NID1: variants seen among roughly 807,000 people sequenced by gnomAD.
NID1 encodes the protein nidogen 1.
NID1 carries 76 observed loss-of-function variants against 130.6 expected under a neutral mutation model. The ratio of observed to expected loss-of-function variants is 0.58; its 90% CI spans 0.48 to 0.70. The LOEUF (loss-of-function observed/expected upper bound fraction) is 0.70, where lower values mean the gene tolerates loss of function less well. NID1 is among the 30% of genes least tolerant of loss of function. NID1 has a pLI of 0.00. For missense variants in NID1, 1,517 were observed against 1,664.8 expected, an observed-to-expected ratio of 0.91 and a Z score of 1.54; for synonymous variants, 665 against 675.1, an observed-to-expected ratio of 0.98 and a Z score of 0.23.
chr1:236,024,109 A>C lies in NID1; in HGVS notation c.2089T>G (p.Cys697Gly). The change falls in exon 9 of 20, where the codon TGC becomes GGC. Residue 697 changes from cysteine to glycine, a missense_variant. Physicochemically the swap from Cys to Gly is radical, Grantham distance 159 (BLOSUM62 -3). This residue lies in a region of NID1 where 1,329 missense variants were observed against 1,429.2 expected (regional missense o/e 0.93). Transcript: ENST00000264187. The stretch of plus-strand genomic sequence containing the variant: ...CCGTCTCCTCGGAAGCCGATGGAGC[A>C]CTCGCAGGTGAACTGTGTCCTGGGA... ...PGPRTQFTCE[C>G]SIGFRGDGRT... is the part of the protein sequence containing the mutation. The C allele has an allele frequency of 6.2e-7, 1 of 1,614,224 alleles. No homozygotes were observed. Among genetic ancestry groups the C allele is most frequent in the Non-Finnish European group, 8.5e-7 (1 of 1,180,036 alleles).
At chr1:236,053,899 T>G (rs1659828414) in intron 1 of NID1, among the ~76,000 whole-genome samples, 1 of 152,194 alleles carries the variant, frequency 6.6e-6, no homozygotes. Context: ...TTACTGCCGT[T>G]CTTGCCACTG....
intron 12 of NID1, among the ~76,000 whole-genome samples, chr1:236,009,578 G>C (rs956568444): frequency 1.4e-4 from 21 of 152,148 alleles, no homozygotes; most frequent in Middle Eastern, 3.4e-3. Flanking sequence ...AACACATGTA[G>C]GTATATTTTC....
At chr1:236,061,683 C>G (rs1450918734) in intron 1 of NID1, among the ~76,000 whole-genome samples, 1 of 151,596 alleles carries the variant, frequency 6.6e-6, no homozygotes, top group Non-Finnish European at 1.5e-5. Context: ...CCAGGCTGGT[C>G]TCATTTATGA....
chr1:235,993,307 T>A (rs973714168), intron 13 of NID1, among the ~76,000 whole-genome samples: 1 of 152,150 alleles, frequency 6.6e-6, no homozygotes, highest in Non-Finnish European at 1.5e-5. Context: ...GGCAGAGAGT[T>A]CTTCTGGGAG....
intron 12 of NID1, among the ~76,000 whole-genome samples, chr1:236,009,094 G>A (rs1658333794): frequency 1.3e-5 from 2 of 152,198 alleles, no homozygotes; most frequent in African/African-American, 4.8e-5. Flanking sequence ...GAATGTTTAT[G>A]TCCCTCCCAA....
rs1657711787 is a variant in NID1 at position 235,990,793 on chromosome 1, T to C, written c.2928+93A>G. On this transcript the variant is annotated intron_variant, in intron 14 of 19. Transcript: ENST00000264187. ...GAATGAGCACCCATGGTTCCAGGGG[T>C]TGAGCCTGGGGTTCTGGTCTGATAT... is the stretch of plus-strand genomic sequence containing the variant. The C allele has an allele frequency of 2.5e-5, 36 of 1,421,668 alleles. 1 individual carries two copies. The highest frequency in any genetic ancestry group is 3.5e-5 in the Non-Finnish European group (36 of 1,022,902). 88.1% of individuals were successfully genotyped at this position (1,421,668 alleles called of 1,614,324 possible). A position where few individuals can be genotyped will look rare whatever the true frequency, so the allele number is the denominator to read the frequency against.
rs1171302340 is a variant in NID1, at chr1:236,011,908, C to T, written c.2527+13G>A. Reference sequence around the variant, plus strand: ...GCAATGGGCTACCGACTCCAGATGTCCCACCACCTTACCTCCGGGCACGCA... The same window carrying T: ...GCAATGGGCTACCGACTCCAGATGTTCCACCACCTTACCTCCGGGCACGCA... On this transcript the variant is annotated intron_variant, in intron 12 of 19. Transcript: ENST00000264187. 6.2e-7 allele frequency: 1 copy of T among 1,613,192 alleles called. No individual in the cohort carries two copies. Among genetic ancestry groups the T allele is most frequent in the African/African-American group, 1.3e-5 (1 of 74,920 alleles).
intron 14 of NID1, among the ~76,000 whole-genome samples, chr1:235,990,256 G>A (rs1441440970): frequency 6.6e-6 from 1 of 152,212 alleles, no homozygotes; most frequent in African/African-American, 2.4e-5. Context: ...GGTTGGTCCT[G>A]TGGCAGGCAA....
Position 236,063,534 on chromosome 1 carries a change from A to G in NID1, c.225+1321T>C, listed in dbSNP as rs760327177. ...AAGCATATAAGCATATATAGTACAT[A>G]AGAGCATAAGATGTGTGTTTTTTTA... On this transcript the variant is annotated intron_variant, in intron 1 of 19. Coordinates refer to ENST00000264187, the MANE Select transcript of NID1 (RefSeq NM_002508.3). Among the ~76,000 whole-genome samples, 74 of 152,164 alleles carry G rather than the reference A, an allele frequency of 4.9e-4. 2 individuals are homozygous for G. The highest frequency in any genetic ancestry group is 3.7e-4 in the Non-Finnish European group (25 of 68,020).
chr1:236,060,517 G>T (rs551281373), intron 1 of NID1, among the ~76,000 whole-genome samples: 2 of 152,226 alleles, frequency 1.3e-5, no homozygotes, highest in South Asian at 2.1e-4. Flanking sequence ...GTTCAAGATG[G>T]AATTGCTCAG....
At chr1:235,990,515 G>A (rs1657701577) in intron 14 of NID1, among the ~76,000 whole-genome samples, 4 of 152,232 alleles carry the variant, frequency 2.6e-5, no homozygotes, top group Admixed American at 6.5e-5. Flanking sequence ...AGATAAAACC[G>A]AATGGCTTTT....
At chr1:236,029,450 G>T in intron 7 of NID1, 100 bp downstream of exon 7, 2 of 1,164,808 alleles carry the variant, frequency 1.7e-6, no homozygotes, top group Non-Finnish European at 2.5e-6. Context: ...TCCCTCTCCA[G>T]ATCCCAGAGA....
At chr1:236,029,488 G>T in intron 7 of NID1, 62 bp downstream of exon 7, 1 of 1,489,622 alleles carries the variant, frequency 6.7e-7, no homozygotes, top group Non-Finnish European at 9.1e-7. Context: ...TGCCGTGGTG[G>T]GTCAAGAGCA....
intron 1 of NID1, among the ~76,000 whole-genome samples, chr1:236,054,272 A>G (rs1659838413): frequency 6.6e-6 from 1 of 152,224 alleles, no homozygotes; most frequent in Non-Finnish European, 1.5e-5. Context: ...CCCGGCCAAC[A>G]TGGTGAAACC....
intron 2 of NID1, 66 bp from the exon 3 acceptor site, chr1:236,045,749 GC>G: frequency 1.6e-6 from 2 of 1,256,870 alleles, no homozygotes; most frequent in Non-Finnish European, 2.3e-6. Flanking sequence ...TGTGTTATTC[GC>G]CAGACTATCT....
At position 236,017,173 on chromosome 1, in the gene NID1, C is replaced by T. The variant is rs745424138; in HGVS notation, c.2229G>A (p.Gln743=). The T allele has an allele frequency of 1.1e-5, 17 of 1,614,058 alleles. No homozygotes were observed. The highest frequency in any genetic ancestry group is 2.2e-5 in the East Asian group (1 of 44,886). ...CCACACACGTTCCCTCATCTGAAAACTGGTAGCCCTCCACACACTCGCAGC... is the reference window on the plus strand; with the variant it reads ...CCACACACGTTCCCTCATCTGAAAATTGGTAGCCCTCCACACACTCGCAGC... ...TFRCECVEGY[Q]FSDEGTCVAV... is the part of the protein sequence containing the mutation. The change falls in exon 10 of 20, where the codon CAG becomes CAA. Residue 743 remains glutamine, a synonymous_variant. Coordinates refer to ENST00000264187, the MANE Select transcript of NID1 (RefSeq NM_002508.3).
chr1:236,041,766 G>T, intron 4 of NID1, 144 bp downstream of exon 4: 1 of 1,020,208 alleles, frequency 9.8e-7, no homozygotes, highest in Non-Finnish European at 1.4e-6. Context: ...CTCCACGGCT[G>T]TGAGAGTTCA....
chr1:236,035,631 T>C (rs34400720), intron 5 of NID1, among the ~76,000 whole-genome samples: 33,318 of 151,846 alleles, frequency 0.22, 4,011 homozygotes, highest in Non-Finnish European at 0.27. Flanking sequence ...GTGTTCCTAT[T>C]TCTCCACATC....
chr1:236,018,340 G>A (rs1448712724), intron 9 of NID1, among the ~76,000 whole-genome samples: 4 of 152,162 alleles, frequency 2.6e-5, no homozygotes, highest in Non-Finnish European at 4.4e-5. Flanking sequence ...TGCAGATTAC[G>A]GAAAATGGAT....
Sources: allele counts gnomAD v4.1 joint callset (sites outside exome capture counted in the v4.1 genomes callset), GRCh38; gene constraint gnomAD v4.1.1; regional missense constraint gnomAD v4.1.1; transcripts MANE v1.5; gene names NCBI Gene and HGNC (gene_info 2026-07-23, HGNC 2026-07-21).